Variants in DNAH11 observed in about 807,000 individuals in gnomAD.
DNAH11 encodes the protein dynein axonemal heavy chain 11, also known as axonemal beta dynein heavy chain 11.
Under a neutral mutation model 526.0 loss-of-function variants are expected in DNAH11, and 442 were observed. That is an observed-to-expected ratio of 0.84 (90% CI 0.78 to 0.91). The LOEUF (loss-of-function observed/expected upper bound fraction) is 0.91, where lower values mean the gene tolerates loss of function less well. Ranked by LOEUF, DNAH11 falls within the 40% of genes least tolerant of loss-of-function variation. The probability of loss-of-function intolerance (pLI) is 0.00; values close to 1 mark genes in which losing one functional copy is unlikely to be tolerated. For synonymous variants in DNAH11, 2,461 were observed against 1,935.9 expected (o/e 1.27, Z -7.12); for missense variants, 6,989 against 5,448.7 (o/e 1.28, Z -8.90).
At chr7:21,784,684 G>C in intron 58 of DNAH11, 144 bp downstream of exon 58, 1 of 585,294 alleles carries the variant, frequency 1.7e-6, no homozygotes, top group Non-Finnish European at 2.8e-6. Context: ...TATTAAAGTT[G>C]AAACAAACCA....
intron 65 of DNAH11, among the ~76,000 whole-genome samples, chr7:21,826,437 GA>G (rs1400192067): frequency 6.6e-6 from 1 of 152,068 alleles, no homozygotes; most frequent in Non-Finnish European, 1.5e-5. Context: ...AAATTAAGGG[GA>G]AAATGTTGCT....
intron 35 of DNAH11, among the ~76,000 whole-genome samples, chr7:21,696,147 T>C (rs1263083154): frequency 6.6e-6 from 1 of 152,196 alleles, no homozygotes; most frequent in African/African-American, 2.4e-5. Context: ...TTTAAAATAA[T>C]ATTCCACTTC....
At chr7:21,766,381 T>G (rs914857328) in intron 55 of DNAH11, among the ~76,000 whole-genome samples, 5 of 152,212 alleles carry the variant, frequency 3.3e-5, no homozygotes, top group African/African-American at 1.2e-4. Flanking sequence ...GGGAGCTTTG[T>G]CTTCTCATTC....
intron 44 of DNAH11, among the ~76,000 whole-genome samples, chr7:21,724,485 T>G (rs569976586): frequency 6.6e-6 from 1 of 152,234 alleles, no homozygotes; most frequent in Non-Finnish European, 1.5e-5. Context: ...GTTGAAGTCA[T>G]AGATAGAAAT....
chr7:21,836,402 A>G (rs1357330059), intron 65 of DNAH11, among the ~76,000 whole-genome samples: 1 of 152,154 alleles, frequency 6.6e-6, no homozygotes, highest in Middle Eastern at 3.2e-3. Context: ...AAAAACAAAC[A>G]CATAGACAGA....
chr7:21,651,372 A>AT (rs1473122175), intron 28 of DNAH11, among the ~76,000 whole-genome samples: 2 of 151,394 alleles, frequency 1.3e-5, no homozygotes, highest in East Asian at 1.9e-4. Context: ...TTATTTATTT[A>AT]TTTTTTTTGA....
intron 35 of DNAH11, among the ~76,000 whole-genome samples, chr7:21,693,707 G>A (rs1227099951): frequency 6.6e-6 from 1 of 151,854 alleles, no homozygotes; most frequent in African/African-American, 2.4e-5. Flanking sequence ...ATCTTTTAAG[G>A]AACTTATTGG....
chr7:21,828,449 A>G (rs1790401590), intron 65 of DNAH11, among the ~76,000 whole-genome samples: 1 of 152,174 alleles, frequency 6.6e-6, no homozygotes, highest in Non-Finnish European at 1.5e-5. Flanking sequence ...TAAATTTAGT[A>G]AAGTTTTTTT....
chr7:21,549,026 C>T lies in DNAH11; in HGVS notation c.495+3877C>T, dbSNP rs546496914. 7.2e-5 allele frequency among the ~76,000 whole-genome samples: 11 copies of T among 152,176 alleles called. No homozygotes were observed. The South Asian group carries it at 2.1e-3, about 29-fold the overall frequency. ...CCTCCTGGGTAGCTGGGATTACAGG[C>T]ACCACTGTGCCTGTCTAATTTTTTG... On this transcript the variant is annotated intron_variant, in intron 2 of 81. Transcript: ENST00000409508.
chr7:21,723,095 T>C (rs895822981), intron 44 of DNAH11, among the ~76,000 whole-genome samples: 1 of 152,190 alleles, frequency 6.6e-6, no homozygotes, highest in African/African-American at 2.4e-5. Flanking sequence ...ACAGAGCATT[T>C]AAAACAGAGG....
At chr7:21,790,805 T>G (rs886667284) in intron 61 of DNAH11, among the ~76,000 whole-genome samples, 5 of 152,234 alleles carry the variant, frequency 3.3e-5, no homozygotes, top group African/African-American at 1.2e-4. Flanking sequence ...GAGGGAATCA[T>G]GAACAGGGAA....
chr7:21,842,844 T>G (rs1490270434), intron 66 of DNAH11, 96 bp downstream of exon 66: 3 of 1,070,412 alleles, frequency 2.8e-6, no homozygotes, highest in Non-Finnish European at 3.9e-6. Flanking sequence ...ATTCCTGCCC[T>G]CTAGAATCCT....
At chr7:21,598,561 G>T (rs918773390) in intron 14 of DNAH11, among the ~76,000 whole-genome samples, 1 of 151,132 alleles carries the variant, frequency 6.6e-6, no homozygotes, top group African/African-American at 2.4e-5. Flanking sequence ...CTATTCCACA[G>T]GTTGCTTATC....
At chr7:21,576,711 T>C (rs1341337210) in intron 8 of DNAH11, among the ~76,000 whole-genome samples, 3 of 152,220 alleles carry the variant, frequency 2.0e-5, no homozygotes, top group Non-Finnish European at 4.4e-5. Flanking sequence ...GTCTTTGTGC[T>C]GTAAGCAATT....
intron 55 of DNAH11, among the ~76,000 whole-genome samples, chr7:21,768,843 G>T (rs1034178082): frequency 2.0e-5 from 3 of 152,126 alleles, no homozygotes; most frequent in Non-Finnish European, 2.9e-5. Context: ...AAGGGTATAA[G>T]ACAACATTTT....
rs1286421592 is a variant in DNAH11, at chr7:21,683,886, T to C, written c.5563T>C (p.Tyr1855His). The stretch of plus-strand genomic sequence containing the variant: ...TAATATTTGTGATGCCCAGTTCCAG[T>C]ACTTCTATGAATACTTAGGAAACAG... ...FVNICDAQFQYFYEYLGNSPR... is the reference protein window; with the variant it reads ...FVNICDAQFQHFYEYLGNSPR... Residue 1855 changes from tyrosine to histidine, a missense_variant, in exon 32 of 82, where the codon TAC becomes CAC. By Grantham distance (83) the Tyr-to-His change is moderately conservative (BLOSUM62 2). Coordinates refer to ENST00000409508, the MANE Select transcript of DNAH11 (RefSeq NM_001277115.2). The C allele has an allele frequency of 6.2e-7, 1 of 1,613,814 alleles. No homozygotes were observed. Among genetic ancestry groups the C allele is most frequent in the East Asian group, 2.2e-5 (1 of 44,874 alleles).
intron 14 of DNAH11, 121 bp downstream of exon 14, chr7:21,591,698 T>C: frequency 9.8e-7 from 1 of 1,020,690 alleles, no homozygotes. Flanking sequence ...TTATGAATGG[T>C]ATTATTAGGC....
Position 21,885,168 on chromosome 7 carries a change from C to CTG in DNAH11, c.12507+759_12507+760insGT, listed in dbSNP as rs200701972. ...TTATTTGGATCTTGTTCCAAATGAA[C>CTG]TATAAAAAAAAAAAAAAAAACACAC... On this transcript the variant is annotated intron_variant, in intron 76 of 81. Transcript: ENST00000409508. Among the ~76,000 whole-genome samples the CTG allele has an allele frequency of 3.0e-3, 60 of 19,802 alleles. 6 individuals are homozygous for CTG. Among genetic ancestry groups the CTG allele is most frequent in the Non-Finnish European group, 8.6e-3 (41 of 4,786 alleles). The allele number at this position is 19,802 out of a possible 152,430, so 13.0% of individuals were successfully genotyped here.
At position 21,888,646 on chromosome 7, in the gene DNAH11, C is replaced by T. The variant is rs558112011; in HGVS notation, c.12508-3779C>T. Among the ~76,000 whole-genome samples the T allele has an allele frequency of 6.6e-5, 10 of 152,100 alleles. No individual in the cohort carries two copies. The East Asian group carries it at 1.4e-3, about 21-fold the overall frequency. On this transcript the variant is annotated intron_variant, in intron 76 of 81. Coordinates refer to ENST00000409508, the MANE Select transcript of DNAH11 (RefSeq NM_001277115.2). ...CTGGGATTACAGGCATGTGCCACCA[C>T]GCTGGGCTAATTTTCGTATTTTTAG...
Sources: allele counts gnomAD v4.1 joint callset (sites outside exome capture counted in the v4.1 genomes callset), GRCh38; gene constraint gnomAD v4.1.1; transcripts MANE v1.5; gene names NCBI Gene and HGNC (gene_info 2026-07-23, HGNC 2026-07-21).